The following NOL7 variants were observed in gnomAD, a reference collection of about 807,000 sequenced individuals.
NOL7 encodes the protein nucleolar protein 7, also known as U3 small nucleolar RNA-associated protein NOL7.
Under a neutral mutation model 38.4 loss-of-function variants are expected in NOL7, and 36 were observed. The observed-to-expected ratio is 0.94, with a 90% CI of 0.72 to 1.24. The LOEUF is 1.24. Among genes scored for constraint, NOL7 ranks in the 50% most tolerant of loss-of-function variants. The pLI is 0.00. For synonymous variants in NOL7, 142 were observed against 126.5 expected, an observed-to-expected ratio of 1.12 and a Z score of -0.82; for missense variants, 350 against 315.1, an observed-to-expected ratio of 1.11 and a Z score of -0.84.
intron 5 of NOL7, among the ~76,000 whole-genome samples, chr6:13,619,726 G>T (rs1465763972): frequency 3.9e-5 from 6 of 152,346 alleles, no homozygotes; most frequent in South Asian, 2.1e-4. Context: ...TTCAACTGAT[G>T]AACAAAACCA....
chr6:13,628,995 A>G (rs1584908933), intron 8 of NOL7, among the ~76,000 whole-genome samples: 1 of 152,176 alleles, frequency 6.6e-6, no homozygotes, highest in South Asian at 2.1e-4. Context: ...ATAATTTAAG[A>G]AACAAAGATA....
chr6:13,619,293 T>C (rs769023703), intron 5 of NOL7, among the ~76,000 whole-genome samples: 6 of 152,246 alleles, frequency 3.9e-5, no homozygotes, highest in East Asian at 1.9e-4. Context: ...TCTATTCTTA[T>C]GGTCTACAGA....
rs150690716 is a variant in NOL7 at position 13,616,478 on chromosome 6, C to T, written c.343C>T (p.Pro115Ser). Residue 115 changes from proline (P) to serine (S), a missense_variant, in exon 3 of 8, where the codon CCA (proline) becomes TCA (serine). Physicochemically the swap from Pro to Ser is moderately conservative, Grantham distance 74. Transcript: ENST00000451315. ...ATTCCAAAAGAAAAGAAAACTCCTT[C>T]CAGACACTATTTTGGAGAAGTTAAC... ...FIEQKKRKLLPDTILEKLTTA... is the reference protein window; with the variant it reads ...FIEQKKRKLLSDTILEKLTTA... 3,488 of 1,608,170 alleles carry T rather than the reference C, an allele frequency of 2.2e-3. 8 individuals carry two copies. The highest frequency in any genetic ancestry group is 2.7e-3 in the Non-Finnish European group (3,231 of 1,177,030).
At chr6:13,619,397 A>T (rs3800503) in intron 5 of NOL7, among the ~76,000 whole-genome samples, 70 of 152,034 alleles carry the variant, frequency 4.6e-4, no homozygotes, top group African/African-American at 1.5e-3. Context: ...ACAGGCATTC[A>T]TTTGAGTTGC....
At chr6:13,618,241 T>C in intron 5 of NOL7, 102 bp downstream of exon 5, 2 of 353,800 alleles carry the variant, frequency 5.7e-6, no homozygotes, top group Non-Finnish European at 9.7e-6. Flanking sequence ...TATTTTATTT[T>C]TATTTTTTTA....
rs564824096 is a variant in NOL7, at chr6:13,621,053, T to TACCC, written c.*229_*232dup. The TACCC allele has an allele frequency of 6.0e-4, 173 of 289,084 alleles. 1 individual carries two copies. The highest frequency in any genetic ancestry group is 1.4e-3 in the Admixed American group (29 of 21,168). 17.9% of individuals were successfully genotyped at this position (289,084 alleles called of 1,614,324 possible). A position where few individuals can be genotyped will look rare whatever the true frequency, so the allele number is the denominator to read the frequency against. The stretch of plus-strand genomic sequence containing the variant: ...AATATATTTAACTGAATTCAAGCCA[T>TACCC]ACCCACATCAGCAACAGCACCTCTT... On this transcript the variant is annotated 3_prime_UTR_variant, in exon 8 of 8. Coordinates refer to ENST00000451315, the MANE Select transcript of NOL7 (RefSeq NM_016167.5).
chr6:13,617,712 CAT>C, intron 3 of NOL7, 56 bp from the exon 4 acceptor site: 7 of 1,519,910 alleles, frequency 4.6e-6, no homozygotes, highest in Non-Finnish European at 6.4e-6. Flanking sequence ...AATAATATAA[CAT>C]GTTTTGAGTA....
Position 13,620,870 on chromosome 6 carries a change from TTATC to T in NOL7, c.*46_*49del, listed in dbSNP as rs1304791810. 2.6e-6 allele frequency: 3 copies of T among 1,153,154 alleles called. No homozygotes were observed. Among genetic ancestry groups the T allele is most frequent in the African/African-American group, 1.6e-5 (1 of 64,060 alleles). The allele number at this position is 1,153,154 out of a possible 1,614,324, so 71.4% of individuals were successfully genotyped here. On this transcript the variant is annotated 3_prime_UTR_variant, in exon 8 of 8. Coordinates refer to ENST00000451315, the MANE Select transcript of NOL7 (RefSeq NM_016167.5). Reference sequence around the variant, plus strand: ...AATCTGTACTTTGTATGTATAGAATTTATCTAATAAATCATTCATAGATCATTTT... The same window carrying T: ...AATCTGTACTTTGTATGTATAGAATTTAATAAATCATTCATAGATCATTTT...
intron 8 of NOL7, among the ~76,000 whole-genome samples, chr6:13,629,942 G>A (rs953245741): frequency 1.3e-5 from 2 of 150,594 alleles, no homozygotes; most frequent in Non-Finnish European, 3.0e-5. Flanking sequence ...GTGTGTGTGT[G>A]TATTTGCATG....
At position 13,621,023 on chromosome 6, in the gene NOL7, T is replaced by A; in HGVS notation, c.*196T>A. 7.6e-6 allele frequency: 3 copies of A among 396,606 alleles called. No individual in the cohort carries two copies. The highest frequency in any genetic ancestry group is 1.4e-5 in the Non-Finnish European group (3 of 215,880). The allele number at this position is 396,606 out of a possible 1,614,324, so 24.6% of individuals were successfully genotyped here. On this transcript the variant is annotated 3_prime_UTR_variant, in exon 8 of 8. Coordinates refer to ENST00000451315, the MANE Select transcript of NOL7 (RefSeq NM_016167.5). ...AGTGGTTTAAGAAGGAATTGTTTTCTTTTTAATATATTTAACTGAATTCAA... is the reference window on the plus strand; with the variant it reads ...AGTGGTTTAAGAAGGAATTGTTTTCATTTTAATATATTTAACTGAATTCAA...
rs186350224 is a variant in NOL7, at chr6:13,620,832, A to G, written c.*5A>G. 24 of 1,543,386 alleles carry G rather than the reference A, an allele frequency of 1.6e-5. No homozygotes were observed. Among genetic ancestry groups the G allele is most frequent in the Admixed American group, 3.6e-5 (2 of 55,788 alleles). On this transcript the variant is annotated 3_prime_UTR_variant, in exon 8 of 8. Coordinates refer to ENST00000451315, the MANE Select transcript of NOL7 (RefSeq NM_016167.5). ...AAGATGAAAACTAAGAAGTAAATCA[A>G]TGCTAAATGAAGAATCTGTACTTTG... is the stretch of plus-strand genomic sequence containing the variant.
intron 5 of NOL7, among the ~76,000 whole-genome samples, chr6:13,618,476 T>C (rs1010803899): frequency 1.3e-5 from 2 of 151,610 alleles, no homozygotes; most frequent in African/African-American, 4.9e-5. Flanking sequence ...CTCGATCTCC[T>C]GACCTCATGA....
chr6:13,625,645 T>G, downstream of NOL7: 1 of 1,579,638 alleles, frequency 6.3e-7, no homozygotes, highest in Non-Finnish European at 8.7e-7. Flanking sequence ...TTATTTGGCT[T>G]TACTTACCTA....
chr6:13,615,994 C>T (rs903882721), intron 2 of NOL7, among the ~76,000 whole-genome samples: 8 of 152,050 alleles, frequency 5.3e-5, no homozygotes, highest in Non-Finnish European at 1.2e-4. Context: ...CGAGATCACA[C>T]CACTGCGCTC....
chr6:13,615,936 TA>T (rs1436176639), intron 2 of NOL7, among the ~76,000 whole-genome samples, 164 bp downstream of exon 2: 1 of 152,002 alleles, frequency 6.6e-6, no homozygotes, highest in Non-Finnish European at 1.5e-5. Flanking sequence ...GGCAGTACTT[TA>T]GTTGGACGAG....
chr6:13,622,334 TATAA>T (rs1764474751), downstream of NOL7: 1 of 1,513,652 alleles, frequency 6.6e-7, no homozygotes, highest in Non-Finnish European at 8.8e-7. Flanking sequence ...TATGCCACAA[TATAA>T]GTGTGAGCTC....
At chr6:13,615,673 T>C in intron 1 of NOL7, 39 bp from the exon 2 acceptor site, 2 of 1,614,080 alleles carry the variant, frequency 1.2e-6, no homozygotes, top group Non-Finnish European at 1.7e-6. Flanking sequence ...CTCGTCCCGC[T>C]TGTCCTTCCC....
chr6:13,625,824 T>C (rs1301484513), downstream of NOL7: 13 of 1,251,866 alleles, frequency 1.0e-5, no homozygotes, highest in Non-Finnish European at 1.5e-5. Context: ...TGCTCACAAA[T>C]GTTTCCAAGT....
At chr6:13,617,823 T>C (rs779686051) in intron 4 of NOL7, 22 bp downstream of exon 4, 1 of 1,605,400 alleles carries the variant, frequency 6.2e-7, no homozygotes, top group Admixed American at 1.7e-5. Context: ...CTAATTTAAC[T>C]AACTTCTCAT....
Sources: gnomAD v4.1 joint callset for allele counts (sites outside exome capture counted in the v4.1 genomes callset) on GRCh38, gnomAD v4.1.1 for gene constraint, MANE v1.5 for transcripts, NCBI Gene and HGNC (gene_info 2026-07-23, HGNC 2026-07-21) for gene names.